COL5A1: variants seen among roughly 807,000 people sequenced by gnomAD.
The protein encoded by COL5A1 is collagen alpha-1(V) chain.
A neutral mutation model predicts 263.7 loss-of-function variants in COL5A1; 16 were observed. The ratio of observed to expected loss-of-function variants is 0.06; its 90% CI spans 0.04 to 0.09. The LOEUF (loss-of-function observed/expected upper bound fraction) is 0.09. COL5A1 is among the 10% of genes least tolerant of loss of function. COL5A1 has a pLI of 1.00. For missense variants in COL5A1, 2,036 were observed against 2,540.5 expected, an observed-to-expected ratio of 0.80 and a Z score of 4.27; for synonymous variants, 1,012 against 1,004.5, an observed-to-expected ratio of 1.01 and a Z score of -0.14.
At position 134,829,870 on chromosome 9, in the gene COL5A1, A is replaced by T. The variant is rs548238999; in HGVS notation, c.5068-106A>T. ...TCCCTGCAGCCCCCCCGGCGTGAGGATGCAGGCGCGGGGGCCGGGAAAGCC... is the reference window on the plus strand; with the variant it reads ...TCCCTGCAGCCCCCCCGGCGTGAGGTTGCAGGCGCGGGGGCCGGGAAAGCC... On this transcript the variant is annotated intron_variant, in intron 63 of 65. Transcript: ENST00000371817. 3.4e-5 allele frequency: 43 copies of T among 1,253,420 alleles called. No individual in the cohort carries two copies. In the African/African-American group the frequency reaches 6.3e-4, roughly 18 times the overall value. 77.6% of individuals were successfully genotyped at this position (1,253,420 alleles called of 1,614,324 possible).
intron 13 of COL5A1, among the ~76,000 whole-genome samples, chr9:134,751,817 C>T (rs1359328795): frequency 1.3e-5 from 2 of 152,190 alleles, no homozygotes; most frequent in East Asian, 1.9e-4. Context: ...AGCACAGAGT[C>T]GTTACCATGG....
intron 1 of COL5A1, among the ~76,000 whole-genome samples, chr9:134,644,779 CAT>C (rs1392150177): frequency 6.6e-6 from 1 of 152,172 alleles, no homozygotes; most frequent in Admixed American, 6.5e-5. Flanking sequence ...GGAAATGAAA[CAT>C]GACCCCAATA....
At chr9:134,717,029 C>A (rs1227886029) in intron 4 of COL5A1, among the ~76,000 whole-genome samples, 1 of 152,222 alleles carries the variant, frequency 6.6e-6, no homozygotes, top group Non-Finnish European at 1.5e-5. Context: ...ATTTAGACCT[C>A]ACTGGCTTGG....
chr9:134,809,583 C>T (rs146036216), intron 43 of COL5A1, among the ~76,000 whole-genome samples: 35 of 152,364 alleles, frequency 2.3e-4, no homozygotes, highest in African/African-American at 7.9e-4. Context: ...GAGAAAAATG[C>T]TCCCCGGTCC....
intron 7 of COL5A1, among the ~76,000 whole-genome samples, 158 bp downstream of exon 7, chr9:134,730,633 C>T (rs1834846801): frequency 6.6e-6 from 1 of 152,246 alleles, no homozygotes; most frequent in Admixed American, 6.5e-5. Context: ...CCCTTTGCAG[C>T]TGGGTGGCGT....
chr9:134,737,223 C>G (rs537252115), intron 9 of COL5A1, among the ~76,000 whole-genome samples: 4 of 152,346 alleles, frequency 2.6e-5, no homozygotes, highest in Non-Finnish European at 5.9e-5. Context: ...GCGCCATGGC[C>G]GCAGTTCCTG....
chr9:134,823,065 C>G (rs779347681), intron 60 of COL5A1, 32 bp downstream of exon 60: 1 of 1,613,414 alleles, frequency 6.2e-7, no homozygotes, highest in Non-Finnish European at 8.5e-7. Flanking sequence ...CAGGCCAATG[C>G]CTGGAAGGTA....
Position 134,754,306 on chromosome 9 carries a change from G to T in COL5A1, c.1807G>T (p.Ala603Ser), listed in dbSNP as rs1228452191. ...PRGVQGPPGP[A>S]GKPGRRGRAG... ...AGGTGTGCAAGGCCCGCCTGGTCCG[G>T]CCGGGAAGCCCGGAAGACGGGTGAG... The change falls in exon 16 of 66, where the codon GCC becomes TCC. Residue 603 changes from alanine to serine, a missense_variant. By Grantham distance (99) the Ala-to-Ser change is moderately conservative. This residue lies in a region of COL5A1 where 1,078 missense variants were observed against 1,521.4 expected (regional missense o/e 0.71). Coordinates refer to ENST00000371817, the MANE Select transcript of COL5A1 (RefSeq NM_000093.5). The surrounding 1 kb of genome is among the most constrained non-coding windows in gnomAD (Gnocchi z 4.3). The T allele has an allele frequency of 5.6e-6, 9 of 1,614,064 alleles. No homozygotes were observed. In the South Asian group the frequency reaches 7.7e-5, roughly 14 times the overall value.
At chr9:134,768,342 G>A (rs1328383950) in intron 24 of COL5A1, 68 bp from the exon 25 acceptor site, 1 of 1,354,410 alleles carries the variant, frequency 7.4e-7, no homozygotes. Flanking sequence ...AGTAACCTTG[G>A]TGGCCGACGG....
chr9:134,788,205 G>A (rs62571366), intron 31 of COL5A1, among the ~76,000 whole-genome samples: 8,869 of 150,572 alleles, frequency 0.059, 458 homozygotes, highest in African/African-American at 0.13. Flanking sequence ...TAGGCAAATC[G>A]ATGAATGGGT....
At chr9:134,672,944 T>C (rs950698605) in intron 1 of COL5A1, among the ~76,000 whole-genome samples, 3 of 152,210 alleles carry the variant, frequency 2.0e-5, no homozygotes, top group African/African-American at 4.8e-5. Context: ...CTTAGAGATA[T>C]ATCTAATGAA....
chr9:134,824,238 A>G (rs145846527), intron 61 of COL5A1, among the ~76,000 whole-genome samples: 47 of 152,336 alleles, frequency 3.1e-4, no homozygotes, highest in Middle Eastern at 3.4e-3. Flanking sequence ...AGCCCCAGCT[A>G]GGGCTGCAGA....
intron 18 of COL5A1, among the ~76,000 whole-genome samples, chr9:134,759,763 A>T (rs1180208622): frequency 6.5e-4 from 44 of 68,064 alleles, no homozygotes; most frequent in Non-Finnish European, 8.2e-4. Context: ...ACACACACCC[A>T]CGCACCCCCA....
chr9:134,738,848 T>C (rs1564422649), intron 11 of COL5A1, 40 bp downstream of exon 11: 2 of 1,558,370 alleles, frequency 1.3e-6, no homozygotes, highest in Non-Finnish European at 1.8e-6. Flanking sequence ...ACACAAGGTG[T>C]GGGGCTGCCC....
chr9:134,814,728 G>A, intron 49 of COL5A1, 69 bp from the exon 50 acceptor site: 1 of 1,183,420 alleles, frequency 8.5e-7, no homozygotes, highest in Non-Finnish European at 1.2e-6. Flanking sequence ...GAAAACCGGG[G>A]AGGCCCACCT....
In COL5A1 at chr9:134,842,055, C is replaced by T. The variant is rs547293343; in HGVS notation, c.5371-102C>T. On this transcript the variant is annotated intron_variant, in intron 65 of 65. Transcript: ENST00000371817. This position sits in a 1 kb window ranked among gnomAD's most constrained non-coding sequence, Gnocchi z 5.8. ...CAGCCCTGGGTAGGAGACAGGACAC[C>T]AGCCTGGGTTTTGGAGCCAGACAGA... The T allele has an allele frequency of 7.1e-7, 1 of 1,401,254 alleles. No homozygotes were observed. The highest frequency in any genetic ancestry group is 1.0e-6 in the Non-Finnish European group (1 of 995,816). 86.8% of individuals were successfully genotyped at this position (1,401,254 alleles called of 1,614,324 possible). A position where few individuals can be genotyped will look rare whatever the true frequency, so the allele number is the denominator to read the frequency against.
rs559308625 is a variant in COL5A1 at position 134,774,134 on chromosome 9, C to T, written c.2332-725C>T. On this transcript the variant is annotated intron_variant, in intron 26 of 65. Coordinates refer to ENST00000371817, the MANE Select transcript of COL5A1 (RefSeq NM_000093.5). Reference sequence around the variant, plus strand: ...AACTGGAACGAGAGGCATTCACTTACTCCCTGGGACTTCCTGAGTTCCTCT... The same window carrying T: ...AACTGGAACGAGAGGCATTCACTTATTCCCTGGGACTTCCTGAGTTCCTCT... Among the ~76,000 whole-genome samples the T allele has an allele frequency of 2.1e-3, 319 of 152,378 alleles. 4 individuals carry two copies. Among genetic ancestry groups the T allele is most frequent in the Admixed American group, 3.1e-3 (48 of 15,306 alleles).
intron 64 of COL5A1, among the ~76,000 whole-genome samples, chr9:134,833,851 A>G (rs1839746360): frequency 1.3e-5 from 2 of 152,156 alleles, no homozygotes; most frequent in African/African-American, 4.8e-5. Flanking sequence ...CTGGTGTTGG[A>G]GCATGATGAT....
At chr9:134,644,138 AT>A (rs1442573812) in intron 1 of COL5A1, among the ~76,000 whole-genome samples, 3 of 151,022 alleles carry the variant, frequency 2.0e-5, no homozygotes, top group African/African-American at 7.3e-5. Flanking sequence ...GGTGGGACCT[AT>A]TTGGAAGTCA....
Sources: gnomAD v4.1 joint callset for allele counts (sites outside exome capture counted in the v4.1 genomes callset) on GRCh38, gnomAD v4.1.1 for gene constraint, gnomAD v4.1.1 regional missense constraint, Gnocchi (gnomAD v3.1) non-coding constraint, MANE v1.5 for transcripts, NCBI Gene and HGNC (gene_info 2026-07-23, HGNC 2026-07-21) for gene names.